The following MAPK10 variants were observed in gnomAD, a reference collection of about 807,000 sequenced individuals.
MAPK10 encodes mitogen-activated protein kinase 10.
Under a neutral mutation model 59.3 loss-of-function variants are expected in MAPK10, and 25 were observed. The observed-to-expected ratio is 0.42, with a 90% CI of 0.31 to 0.59. MAPK10 has a LOEUF of 0.59. Ranked by LOEUF, MAPK10 falls within the 20% of genes least tolerant of loss-of-function variation. The pLI is 0.15. For synonymous variants in MAPK10, 190 were observed against 200.5 expected, an observed-to-expected ratio of 0.95 and a Z score of 0.44; for missense variants, 351 against 568.9, an observed-to-expected ratio of 0.62 and a Z score of 3.90.
chr4:86,116,198 C>G (rs186918267), intron 4 of MAPK10, among the ~76,000 whole-genome samples: 2 of 152,288 alleles, frequency 1.3e-5, no homozygotes, highest in East Asian at 3.9e-4. Flanking sequence ...TCTGGCACTT[C>G]TTGGCCAAAT....
chr4:86,399,457 T>C lies in MAPK10; in HGVS notation c.-121-44813A>G, dbSNP rs893943411. ...GCCCACTTTTTAGTAGGGTTATTTG[T>C]TTTTTGTTTGTCAAGTTCTTATAGA... On this transcript the variant is annotated intron_variant, in intron 1 of 13. Transcript: ENST00000361569. 6.6e-5 allele frequency among the ~76,000 whole-genome samples: 10 copies of C among 152,326 alleles called. No individual in the cohort carries two copies. The East Asian group carries it at 1.5e-3, about 23-fold the overall frequency.
intron 1 of MAPK10, among the ~76,000 whole-genome samples, chr4:86,527,307 G>T (rs1299971841): frequency 5.1e-5 from 3 of 58,450 alleles, no homozygotes; most frequent in African/African-American, 5.5e-5. Flanking sequence ...GTGAGACACT[G>T]TTGCCAAAAA....
At chr4:86,486,165 T>G (rs1469632601) in intron 1 of MAPK10, among the ~76,000 whole-genome samples, 2 of 152,222 alleles carry the variant, frequency 1.3e-5, no homozygotes, top group African/African-American at 4.8e-5. Flanking sequence ...GGTGCCCACC[T>G]GTAGTCCCAG....
At chr4:86,393,338 T>G (rs908352444) in intron 1 of MAPK10, among the ~76,000 whole-genome samples, 12 of 152,118 alleles carry the variant, frequency 7.9e-5, no homozygotes, top group Non-Finnish European at 2.9e-5. Flanking sequence ...TGATCTAGTT[T>G]TTTTTTTTTT....
At chr4:86,153,549 A>G (rs930951243) in intron 4 of MAPK10, among the ~76,000 whole-genome samples, 3 of 152,198 alleles carry the variant, frequency 2.0e-5, no homozygotes, top group Non-Finnish European at 4.4e-5. Flanking sequence ...ATACATAAGG[A>G]CACACATATA....
chr4:86,185,012 G>T (rs1012036891), intron 3 of MAPK10, among the ~76,000 whole-genome samples: 5 of 152,110 alleles, frequency 3.3e-5, no homozygotes, highest in Non-Finnish European at 7.4e-5. Context: ...GAGAAATAAT[G>T]GGAAAGGGGC....
intron 1 of MAPK10, among the ~76,000 whole-genome samples, chr4:86,544,882 T>C (rs989218312): frequency 7.2e-6 from 1 of 138,410 alleles, no homozygotes; most frequent in Admixed American, 7.1e-5. Context: ...GGTTTTTTTC[T>C]TTTTTTTTTT....
chr4:86,249,194 G>T (rs1007531312), intron 2 of MAPK10, among the ~76,000 whole-genome samples: 10 of 152,046 alleles, frequency 6.6e-5, no homozygotes, highest in African/African-American at 9.7e-5. Flanking sequence ...TATGCTTTCA[G>T]ATGCATATAA....
intron 1 of MAPK10, among the ~76,000 whole-genome samples, chr4:86,567,110 C>T (rs924883975): frequency 6.6e-6 from 1 of 152,076 alleles, no homozygotes; most frequent in South Asian, 2.1e-4. Flanking sequence ...GTTTGGTGTA[C>T]ATCTTTCAAG....
intron 1 of MAPK10, among the ~76,000 whole-genome samples, chr4:86,438,274 T>C (rs1300976729): frequency 6.6e-6 from 1 of 152,198 alleles, no homozygotes; most frequent in Non-Finnish European, 1.5e-5. Flanking sequence ...AAAGAGATCA[T>C]TGGGTAAAAG....
intron 8 of MAPK10, chr4:86,099,776 G>A (rs946832438): frequency 1.3e-5 from 2 of 152,134 alleles, no homozygotes; most frequent in Non-Finnish European, 2.9e-5. Flanking sequence ...CTTGATTCTT[G>A]ACTTTGTTTC....
intron 1 of MAPK10, among the ~76,000 whole-genome samples, chr4:86,541,308 C>A (rs761159274): frequency 8.5e-5 from 13 of 152,170 alleles, no homozygotes; most frequent in South Asian, 2.1e-4. Context: ...GGAGTAATTG[C>A]TCTGCACTGC....
At chr4:86,267,492 C>T (rs1381658478) in intron 2 of MAPK10, among the ~76,000 whole-genome samples, 2 of 152,118 alleles carry the variant, frequency 1.3e-5, no homozygotes, top group African/African-American at 4.8e-5. Flanking sequence ...TGCCCCAAAT[C>T]CTCCATTGGC....
chr4:86,313,375 A>C (rs2095710010), intron 2 of MAPK10, among the ~76,000 whole-genome samples: 1 of 152,126 alleles, frequency 6.6e-6, no homozygotes, highest in Non-Finnish European at 1.5e-5. Context: ...ATAAAAATAA[A>C]AGGTTGATAT....
At chr4:86,189,447 CT>C (rs1407093795) in intron 3 of MAPK10, among the ~76,000 whole-genome samples, 2 of 152,010 alleles carry the variant, frequency 1.3e-5, no homozygotes, top group Non-Finnish European at 2.9e-5. Context: ...TGTAGTTCTC[CT>C]TGAAGAGGTC....
intron 1 of MAPK10, among the ~76,000 whole-genome samples, chr4:86,498,745 T>C (rs1293320910): frequency 6.6e-6 from 1 of 152,210 alleles, no homozygotes; most frequent in Admixed American, 6.5e-5. Flanking sequence ...CCTAAGCGTA[T>C]TTAAGCTAGC....
intron 4 of MAPK10, among the ~76,000 whole-genome samples, chr4:86,140,494 G>T (rs969811958): frequency 2.9e-5 from 4 of 137,610 alleles, no homozygotes; most frequent in Non-Finnish European, 4.5e-5. Flanking sequence ...GAGAACACAT[G>T]GACACAGGAA....
chr4:86,256,978 T>C (rs1171055592), intron 2 of MAPK10, among the ~76,000 whole-genome samples: 1 of 151,542 alleles, frequency 6.6e-6, no homozygotes, highest in African/African-American at 2.4e-5. Flanking sequence ...GGTCTCGATC[T>C]TAACCTCATG....
intron 2 of MAPK10, among the ~76,000 whole-genome samples, chr4:86,230,465 A>T (rs146341415): frequency 6.6e-5 from 10 of 152,342 alleles, no homozygotes; most frequent in Admixed American, 1.3e-4. Context: ...TTAAAAATAG[A>T]CTATCTCTTC....
Sources: allele counts gnomAD v4.1 joint callset (sites outside exome capture counted in the v4.1 genomes callset), GRCh38; gene constraint gnomAD v4.1.1; transcripts MANE v1.5; gene names NCBI Gene and HGNC (gene_info 2026-07-23, HGNC 2026-07-21).